Variants in MCTP1 observed in about 807,000 individuals in gnomAD.
MCTP1 encodes multiple C2 and transmembrane domain-containing protein 1.
MCTP1 carries 69 observed loss-of-function variants against 120.6 expected under a neutral mutation model. That is an observed-to-expected ratio of 0.57 (90% CI 0.47 to 0.70). The LOEUF is 0.70. MCTP1 is among the 30% of genes least tolerant of loss of function. The pLI, the probability that MCTP1 is intolerant of heterozygous loss-of-function variation, is 0.00. For synonymous variants in MCTP1, 529 were observed against 493.1 expected, an observed-to-expected ratio of 1.07 and a Z score of -0.96; for missense variants, 1,203 against 1,248.8, an observed-to-expected ratio of 0.96 and a Z score of 0.55.
At chr5:94,953,849 C>A (rs1161843947) in intron 2 of MCTP1, among the ~76,000 whole-genome samples, 1,244 of 32,080 alleles carry the variant, frequency 0.039, 172 homozygotes, top group Admixed American at 0.046. Context: ...ATATACACAA[C>A]TATATATATG....
chr5:94,966,984 C>T (rs1825775204), intron 2 of MCTP1, among the ~76,000 whole-genome samples: 1 of 152,202 alleles, frequency 6.6e-6, no homozygotes, highest in Admixed American at 6.5e-5. Flanking sequence ...AAAAAACGCA[C>T]TCGCACAAAA....
rs1836073055 is a variant in MCTP1, at chr5:95,011,970, A to C, written c.838+5397T>G. ...GCTCATATTATACTTTCCCTGTCCC[A>C]GGCCTGAAATAAACCATTTCTCCAG... On this transcript the variant is annotated intron_variant, in intron 2 of 22. Transcript: ENST00000515393. 2.6e-5 allele frequency among the ~76,000 whole-genome samples: 4 copies of C among 152,084 alleles called. No homozygotes were observed. In the South Asian group the frequency reaches 6.2e-4, roughly 24 times the overall value.
At chr5:95,003,640 T>C (rs1431622830) in intron 2 of MCTP1, among the ~76,000 whole-genome samples, 2 of 152,194 alleles carry the variant, frequency 1.3e-5, no homozygotes, top group Non-Finnish European at 2.9e-5. Context: ...ATACAGTAGG[T>C]CCTCACTCAA....
chr5:95,003,503 T>A (rs891422594), intron 2 of MCTP1, among the ~76,000 whole-genome samples: 2 of 152,238 alleles, frequency 1.3e-5, no homozygotes, highest in Non-Finnish European at 2.9e-5. Flanking sequence ...TGTATCCCTG[T>A]CATTAAGCAA....
intron 1 of MCTP1, among the ~76,000 whole-genome samples, chr5:95,265,694 T>C (rs1360475605): frequency 6.6e-6 from 1 of 152,220 alleles, no homozygotes; most frequent in Non-Finnish European, 1.5e-5. Context: ...TTCCCATGGT[T>C]TTATTTACTT....
At chr5:95,152,350 C>T (rs1420580351) in intron 1 of MCTP1, among the ~76,000 whole-genome samples, 1 of 152,214 alleles carries the variant, frequency 6.6e-6, no homozygotes, top group Non-Finnish European at 1.5e-5. Context: ...GCACGTCAGA[C>T]TGAAATTCAA....
chr5:94,998,835 G>A (rs1399448090), intron 2 of MCTP1, among the ~76,000 whole-genome samples: 1 of 152,170 alleles, frequency 6.6e-6, no homozygotes, highest in African/African-American at 2.4e-5. Flanking sequence ...GTGAGTGCTT[G>A]ACTTTCTCCA....
intron 19 of MCTP1, among the ~76,000 whole-genome samples, chr5:94,762,610 G>T (rs183305923): frequency 2.6e-5 from 4 of 152,282 alleles, no homozygotes; most frequent in East Asian, 3.9e-4. Flanking sequence ...GAGCAGAATG[G>T]GCTGTGGGTA....
At chr5:95,030,288 A>T (rs1200484972) in intron 1 of MCTP1, among the ~76,000 whole-genome samples, 1 of 151,980 alleles carries the variant, frequency 6.6e-6, no homozygotes, top group African/African-American at 2.4e-5. Flanking sequence ...TCCTGCCAAT[A>T]CCCCTTCAGG....
chr5:94,834,488 A>G (rs1789248683), intron 17 of MCTP1, among the ~76,000 whole-genome samples: 1 of 152,100 alleles, frequency 6.6e-6, no homozygotes, highest in African/African-American at 2.4e-5. Context: ...ATCACTGTAA[A>G]CCTTATCTAT....
At chr5:94,996,903 T>C (rs1021734721) in intron 2 of MCTP1, among the ~76,000 whole-genome samples, 12 of 152,290 alleles carry the variant, frequency 7.9e-5, no homozygotes, top group Non-Finnish European at 1.6e-4. Flanking sequence ...GAAAGAATAA[T>C]ACAGGTTTGA....
chr5:95,213,720 A>G (rs1341003272), intron 1 of MCTP1, among the ~76,000 whole-genome samples: 6 of 151,944 alleles, frequency 3.9e-5, no homozygotes, highest in African/African-American at 1.5e-4. Flanking sequence ...CATATCTACA[A>G]CTATCTGATC....
chr5:94,829,993 A>C (rs1314525162), intron 17 of MCTP1, among the ~76,000 whole-genome samples: 1 of 152,122 alleles, frequency 6.6e-6, no homozygotes, highest in Admixed American at 6.5e-5. Flanking sequence ...TTACCATCTC[A>C]TGGAAAATGC....
intron 17 of MCTP1, among the ~76,000 whole-genome samples, chr5:94,823,246 A>G (rs1212452079): frequency 6.6e-6 from 1 of 152,190 alleles, no homozygotes; most frequent in African/African-American, 2.4e-5. Flanking sequence ...GGAAGGGTCC[A>G]GTTTAAGTTT....
At chr5:95,131,594 T>A (rs955877732) in intron 1 of MCTP1, among the ~76,000 whole-genome samples, 2 of 152,240 alleles carry the variant, frequency 1.3e-5, no homozygotes, top group African/African-American at 4.8e-5. Context: ...CTGATCTATT[T>A]TTTTTTCTTT....
chr5:95,258,663 G>A (rs1352628670), intron 1 of MCTP1, among the ~76,000 whole-genome samples: 1 of 152,144 alleles, frequency 6.6e-6, no homozygotes, highest in Non-Finnish European at 1.5e-5. Context: ...CAAAGTACAT[G>A]GGAACTCTCT....
At chr5:94,809,395 C>T (rs571264117) in intron 17 of MCTP1, among the ~76,000 whole-genome samples, 1 of 152,024 alleles carries the variant, frequency 6.6e-6, no homozygotes, top group Admixed American at 6.6e-5. Flanking sequence ...CATCACATAA[C>T]CACACATGAA....
intron 3 of MCTP1, 138 bp downstream of exon 3, chr5:94,953,081 T>C (rs1489738979): frequency 9.5e-5 from 67 of 701,634 alleles, no homozygotes; most frequent in Non-Finnish European, 1.3e-4. Context: ...TTCTATCATA[T>C]TATCCATAGA....
intron 1 of MCTP1, among the ~76,000 whole-genome samples, chr5:95,053,120 T>C (rs1359291763): frequency 6.6e-6 from 1 of 152,194 alleles, no homozygotes; most frequent in Non-Finnish European, 1.5e-5. Flanking sequence ...TATTTTTACA[T>C]GAAAATCAAG....
Sources: gnomAD v4.1 joint callset for allele counts (sites outside exome capture counted in the v4.1 genomes callset) on GRCh38, gnomAD v4.1.1 for gene constraint, MANE v1.5 for transcripts, NCBI Gene and HGNC (gene_info 2026-07-23, HGNC 2026-07-21) for gene names.